Variants in GPCPD1 observed in about 807,000 individuals in gnomAD.
GPCPD1 encodes the protein glycerophosphocholine phosphodiesterase 1.
GPCPD1 carries 29 observed loss-of-function variants against 89.2 expected under a neutral mutation model. The ratio of observed to expected loss-of-function variants is 0.33; its 90% CI spans 0.24 to 0.44. The LOEUF (loss-of-function observed/expected upper bound fraction) is 0.44. GPCPD1 is among the 20% of genes least tolerant of loss of function. The pLI, the probability that GPCPD1 is intolerant of heterozygous loss-of-function variation, is 1.00. For missense variants in GPCPD1, 594 were observed against 808.9 expected, an observed-to-expected ratio of 0.73 and a Z score of 3.22; for synonymous variants, 258 against 266.3, an observed-to-expected ratio of 0.97 and a Z score of 0.30.
At chr20:5,560,968 C>A (rs1986046795) in intron 16 of GPCPD1, among the ~76,000 whole-genome samples, 1 of 152,160 alleles carries the variant, frequency 6.6e-6, no homozygotes, top group African/African-American at 2.4e-5. Context: ...TTGTCCCGAG[C>A]ACTTGGAAAA....
intron 3 of GPCPD1, among the ~76,000 whole-genome samples, chr20:5,598,273 A>T (rs1979870658): frequency 6.6e-6 from 1 of 152,122 alleles, no homozygotes. Flanking sequence ...AGGCATGGTC[A>T]TGGGTGCCTA....
Position 5,575,506 on chromosome 20 carries a change from C to T in GPCPD1, c.908G>A (p.Cys303Tyr). The T allele has an allele frequency of 6.3e-7, 1 of 1,585,828 alleles. No individual in the cohort carries two copies. Among genetic ancestry groups the T allele is most frequent in the Non-Finnish European group, 8.7e-7 (1 of 1,154,520 alleles). ...CTTGGAAAATGAAGATTTCATGTCA[C>T]AACTGTATCCTGGTAATGGCTTAAT... ...IIIKPLPGYS[C>Y]DMKSSFSKYW... Residue 303 changes from cysteine (C) to tyrosine (Y), a missense_variant, in exon 10 of 20, where the codon TGT (cysteine) becomes TAT (tyrosine). Transcript: ENST00000379019.
chr20:5,604,230 G>A, intron 2 of GPCPD1, 134 bp downstream of exon 2: 1 of 604,916 alleles, frequency 1.7e-6, no homozygotes, highest in African/African-American at 1.9e-5. Context: ...CATTTCTGCT[G>A]TCAGGCAAGA....
intron 11 of GPCPD1, 22 bp downstream of exon 11, chr20:5,573,893 A>C: frequency 3.2e-6 from 4 of 1,266,874 alleles, no homozygotes; most frequent in Non-Finnish European, 4.6e-6. Context: ...CAGCAGTCTA[A>C]AGTTGTTTAA....
chr20:5,596,886 T>C (rs75330587), intron 3 of GPCPD1, among the ~76,000 whole-genome samples: 2,616 of 152,342 alleles, frequency 0.017, 70 homozygotes, highest in African/African-American at 0.06. Flanking sequence ...ATCAATTCTA[T>C]TTCATTGTAC....
intron 11 of GPCPD1, 46 bp downstream of exon 11, chr20:5,573,869 A>C (rs756348386): frequency 6.8e-5 from 66 of 975,206 alleles, no homozygotes; most frequent in Non-Finnish European, 9.7e-5. Flanking sequence ...TCCCTGATCC[A>C]TATTTCTCTA....
intron 17 of GPCPD1, 70 bp from the exon 18 acceptor site, chr20:5,558,889 G>A (rs1343530043): frequency 8.0e-6 from 9 of 1,128,318 alleles, no homozygotes; most frequent in African/African-American, 3.2e-5. Flanking sequence ...TGGAATTTTA[G>A]AAAACACTGA....
intron 19 of GPCPD1, among the ~76,000 whole-genome samples, chr20:5,553,124 T>A (rs1392167915): frequency 2.0e-5 from 3 of 152,206 alleles, no homozygotes; most frequent in African/African-American, 7.2e-5. Context: ...CCACCCTGCA[T>A]CCAGCAAGTC....
chr20:5,565,109 A>G (rs1295760452), intron 14 of GPCPD1, 31 bp from the exon 15 acceptor site: 2 of 1,101,876 alleles, frequency 1.8e-6, no homozygotes, highest in African/African-American at 3.1e-5. Context: ...ATCTCAGTAA[A>G]TAAAATGCCA....
intron 1 of GPCPD1, among the ~76,000 whole-genome samples, chr20:5,605,504 G>C (rs1980518994): frequency 6.6e-6 from 1 of 151,266 alleles, no homozygotes; most frequent in African/African-American, 2.4e-5. Context: ...AGGAGTCCAG[G>C]CAAGTGGCTC....
At position 5,558,059 on chromosome 20, in the gene GPCPD1, A is replaced by C. The variant is rs762561137; in HGVS notation, c.1715T>G (p.Ile572Ser). The C allele has an allele frequency of 3.5e-5, 56 of 1,601,912 alleles. No homozygotes were observed. Among genetic ancestry groups the C allele is most frequent in the Non-Finnish European group, 4.4e-5 (52 of 1,169,810 alleles). Reference sequence around the variant, plus strand: ...TAGTCCCTTAGCTTTTGCCTCTTGAATATAGGATGGGTTTCTGAGCAAGTC... The same window carrying C: ...TAGTCCCTTAGCTTTTGCCTCTTGACTATAGGATGGGTTTCTGAGCAAGTC... ...TEDLLRNPSY[I>S]QEAKAKGLVI... The change falls in exon 19 of 20, where the codon ATT (isoleucine) becomes AGT (serine). Residue 572 changes from isoleucine to serine, a missense_variant. By Grantham distance (142) the Ile-to-Ser change is moderately radical (BLOSUM62 -2). Transcript: ENST00000379019.
Position 5,604,378 on chromosome 20 carries a change from C to T in GPCPD1, c.35G>A (p.Gly12Glu), listed in dbSNP as rs1231208320. The T allele has an allele frequency of 6.6e-7, 1 of 1,504,778 alleles. No individual in the cohort carries two copies. The highest frequency in any genetic ancestry group is 9.2e-7 in the Non-Finnish European group (1 of 1,085,916). 93.2% of individuals were successfully genotyped at this position (1,504,778 alleles called of 1,614,324 possible). Reference sequence around the variant, plus strand: ...TTTTACAATACCTGGTAAAAGAGTTCCTCTTATTTCAAAGGCAACCTGAGA... The same window carrying T: ...TTTTACAATACCTGGTAAAAGAGTTTCTCTTATTTCAAAGGCAACCTGAGA... ...TPSQVAFEIR[G>E]TLLPGEVFAI... Residue 12 changes from glycine to glutamate, a missense_variant, in exon 2 of 20, where the codon GGA (glycine) becomes GAA (glutamate). Physicochemically the swap from Gly to Glu is moderately conservative, Grantham distance 98. Transcript: ENST00000379019.
rs544062197 is a variant in GPCPD1 at position 5,546,812 on chromosome 20, C to T, written c.*849G>A. ...CCTTTTTTTTTTAGGCAACAAAATA[C>T]GTCCAGTCCTTGACATCTTCTCATA... On this transcript the variant is annotated 3_prime_UTR_variant, in exon 20 of 20. Transcript: ENST00000379019. The T allele has an allele frequency of 2.0e-5, 3 of 152,378 alleles. No homozygotes were observed. Among genetic ancestry groups the T allele is most frequent in the East Asian group, 1.9e-4 (1 of 5,174 alleles). 9.4% of individuals were successfully genotyped at this position (152,378 alleles called of 1,614,324 possible).
chr20:5,583,266 C>T (rs893373753), intron 6 of GPCPD1, among the ~76,000 whole-genome samples: 3 of 146,020 alleles, frequency 2.1e-5, no homozygotes, highest in Non-Finnish European at 3.0e-5. Flanking sequence ...AGTCACCCAG[C>T]TGGGCAGTGG....
chr20:5,551,865 T>C (rs758245437), intron 19 of GPCPD1, among the ~76,000 whole-genome samples: 3 of 152,106 alleles, frequency 2.0e-5, no homozygotes, highest in South Asian at 2.1e-4. Flanking sequence ...TGTTTGATAA[T>C]TGAAAACACA....
chr20:5,567,359 G>A, intron 13 of GPCPD1, 124 bp downstream of exon 13: 1 of 1,176,648 alleles, frequency 8.5e-7, no homozygotes, highest in Middle Eastern at 2.1e-4. Context: ...GAATACCAAA[G>A]CACATAGTCT....
At chr20:5,593,748 G>A (rs1979501821) in intron 3 of GPCPD1, among the ~76,000 whole-genome samples, 1 of 152,160 alleles carries the variant, frequency 6.6e-6, no homozygotes, top group Non-Finnish European at 1.5e-5. Flanking sequence ...ATGATGAGAA[G>A]GAACCAGCCA....
At chr20:5,586,918 T>TA (rs1204924171) in intron 4 of GPCPD1, among the ~76,000 whole-genome samples, 2 of 152,164 alleles carry the variant, frequency 1.3e-5, no homozygotes. Flanking sequence ...GCAAGTGTGA[T>TA]AAAAGAGGAA....
intron 6 of GPCPD1, among the ~76,000 whole-genome samples, chr20:5,582,210 A>AC (rs1978579676): frequency 1.4e-5 from 2 of 146,308 alleles, no homozygotes; most frequent in Non-Finnish European, 3.0e-5. Flanking sequence ...AAAAAAAAAA[A>AC]AAAAAAAAAC....
Sources: allele counts gnomAD v4.1 joint callset (sites outside exome capture counted in the v4.1 genomes callset), GRCh38; gene constraint gnomAD v4.1.1; transcripts MANE v1.5; gene names NCBI Gene and HGNC (gene_info 2026-07-23, HGNC 2026-07-21).